The following CYP7B1 variants were observed in gnomAD, a reference collection of about 807,000 sequenced individuals.
CYP7B1 encodes cytochrome P450 family 7 subfamily B member 1.
A neutral mutation model predicts 42.7 loss-of-function variants in CYP7B1; 29 were observed. That is an observed-to-expected ratio of 0.68 (90% CI 0.51 to 0.93). The LOEUF (loss-of-function observed/expected upper bound fraction) is 0.93. CYP7B1 is among the 40% of genes least tolerant of loss of function. CYP7B1 has a pLI of 0.00. For missense variants in CYP7B1, 655 were observed against 600.5 expected (o/e 1.09, Z -0.95); for synonymous variants, 235 against 218.2 (o/e 1.08, Z -0.68).
chr8:64,769,990 T>C (rs1804193959), intron 1 of CYP7B1, among the ~76,000 whole-genome samples: 1 of 152,226 alleles, frequency 6.6e-6, no homozygotes, highest in Non-Finnish European at 1.5e-5. Flanking sequence ...ACCATCCTTC[T>C]TTATCTCATC....
chr8:64,713,000 TTC>T, intron 1 of CYP7B1, among the ~76,000 whole-genome samples: 1 of 152,170 alleles, frequency 6.6e-6, no homozygotes, highest in Non-Finnish European at 1.5e-5. Context: ...CTAAATGATC[TTC>T]TCTCTTGAAC....
At chr8:64,748,596 T>C (rs192101751) in intron 1 of CYP7B1, among the ~76,000 whole-genome samples, 2 of 152,264 alleles carry the variant, frequency 1.3e-5, no homozygotes, top group Admixed American at 1.3e-4. Context: ...TCCTCTGACT[T>C]TCACAATCAC....
chr8:64,635,589 T>C (rs1395566689), intron 1 of CYP7B1, among the ~76,000 whole-genome samples: 2 of 152,230 alleles, frequency 1.3e-5, no homozygotes, highest in African/African-American at 4.8e-5. Context: ...TTGATTTAAT[T>C]TTCCTGCAAA....
Position 64,779,365 on chromosome 8 carries a change from T to A in CYP7B1, c.122+19101A>T, listed in dbSNP as rs568399585. ...AATATAAGACACTTTCCTCTATGTA[T>A]AATAGGCTCATAGACAATTCTCAAA... On this transcript the variant is annotated intron_variant, in intron 1 of 5. Transcript: ENST00000310193. 2.0e-5 allele frequency among the ~76,000 whole-genome samples: 3 copies of A among 152,250 alleles called. No individual in the cohort carries two copies. In the South Asian group the frequency reaches 6.2e-4, roughly 32 times the overall value.
intron 1 of CYP7B1, among the ~76,000 whole-genome samples, chr8:64,724,516 A>T (rs1807293099): frequency 6.6e-6 from 1 of 152,228 alleles, no homozygotes; most frequent in African/African-American, 2.4e-5. Flanking sequence ...TCTGATTTTT[A>T]CAATGAGCCT....
chr8:64,655,951 T>C (rs1806114129), intron 1 of CYP7B1, among the ~76,000 whole-genome samples: 1 of 151,926 alleles, frequency 6.6e-6, no homozygotes, highest in Admixed American at 6.6e-5. Flanking sequence ...GAGTGGGAGC[T>C]AAAAGTGGGA....
chr8:64,798,222 A>T (rs1804736371), intron 1 of CYP7B1, among the ~76,000 whole-genome samples: 2 of 152,260 alleles, frequency 1.3e-5, no homozygotes, highest in Non-Finnish European at 2.9e-5. Flanking sequence ...CCTAGGGCTT[A>T]TTACAACTTA....
chr8:64,693,048 C>G lies in CYP7B1; in HGVS notation c.123-68509G>C, dbSNP rs186224908. On this transcript the variant is annotated intron_variant, in intron 1 of 5. Transcript: ENST00000310193. Reference sequence around the variant, plus strand: ...AGCATTAAGACATCCTGCTTCTTTGCTCTCAGGGCAATGACCTTGTGGTCT... The same window carrying G: ...AGCATTAAGACATCCTGCTTCTTTGGTCTCAGGGCAATGACCTTGTGGTCT... 1.2e-3 allele frequency among the ~76,000 whole-genome samples: 190 copies of G among 152,338 alleles called. 2 individuals are homozygous for G. In the Middle Eastern group the frequency reaches 0.02, roughly 16 times the overall value.
At chr8:64,631,357 G>GA (rs377596104) in intron 1 of CYP7B1, among the ~76,000 whole-genome samples, 1 of 151,830 alleles carries the variant, frequency 6.6e-6, no homozygotes, top group African/African-American at 2.4e-5. Context: ...TATCAATAAA[G>GA]AAAAAAATGT....
intron 3 of CYP7B1, 123 bp downstream of exon 3, chr8:64,615,568 T>C (rs911902488): frequency 2.1e-6 from 2 of 973,260 alleles, no homozygotes; most frequent in Non-Finnish European, 1.6e-6. Context: ...GAGTAAAACA[T>C]TTTATCATTA....
chr8:64,602,701 A>C (rs562125047), intron 5 of CYP7B1, among the ~76,000 whole-genome samples: 16 of 152,184 alleles, frequency 1.1e-4, no homozygotes, highest in Non-Finnish European at 1.8e-4. Context: ...CTCAGCAACA[A>C]ATGGCTCACG....
Position 64,731,622 on chromosome 8 carries a change from C to T in CYP7B1, c.122+66844G>A, listed in dbSNP as rs559290426. Among the ~76,000 whole-genome samples, 41 of 152,266 alleles carry T rather than the reference C, an allele frequency of 2.7e-4. 1 individual carries two copies. Among genetic ancestry groups the T allele is most frequent in the African/African-American group, 9.6e-4 (40 of 41,552 alleles). ...CTGCTGCAGAAATTTGCGTAAGTAC[C>T]AAGGAGCTGAATGTTAATCACAAAG... is the stretch of plus-strand genomic sequence containing the variant. On this transcript the variant is annotated intron_variant, in intron 1 of 5. Transcript: ENST00000310193.
chr8:64,681,790 T>TCAGAACCACC (rs1210983052), intron 1 of CYP7B1, among the ~76,000 whole-genome samples: 1 of 152,108 alleles, frequency 6.6e-6, no homozygotes, highest in Non-Finnish European at 1.5e-5. Flanking sequence ...GAGAAACCAG[T>TCAGAACCACC]CAGAACCACC....
intron 1 of CYP7B1, among the ~76,000 whole-genome samples, chr8:64,742,628 G>C (rs1276892924): frequency 6.6e-6 from 1 of 152,084 alleles, no homozygotes; most frequent in Non-Finnish European, 1.5e-5. Context: ...TGTCCACAGG[G>C]TTAGTCCAAG....
chr8:64,744,970 T>C (rs1321660537), intron 1 of CYP7B1, among the ~76,000 whole-genome samples: 2 of 152,224 alleles, frequency 1.3e-5, no homozygotes, highest in Non-Finnish European at 2.9e-5. Flanking sequence ...TATAACTGGC[T>C]GATCATACAA....
intron 4 of CYP7B1, among the ~76,000 whole-genome samples, chr8:64,606,602 G>A (rs1217551115): frequency 1.3e-5 from 2 of 152,168 alleles, no homozygotes; most frequent in Non-Finnish European, 2.9e-5. Flanking sequence ...GGCAGCTTGC[G>A]CCCACCACAG....
chr8:64,681,736 T>C (rs1003178836), intron 1 of CYP7B1, among the ~76,000 whole-genome samples: 2 of 152,084 alleles, frequency 1.3e-5, no homozygotes, highest in Admixed American at 6.5e-5. Flanking sequence ...AAATTGAGTT[T>C]TGAGATGGCT....
intron 1 of CYP7B1, among the ~76,000 whole-genome samples, chr8:64,639,704 T>C (rs543982486): frequency 8.5e-5 from 13 of 152,248 alleles, no homozygotes; most frequent in African/African-American, 3.1e-4. Flanking sequence ...AGTAGCAGTT[T>C]CTTATAATCT....
Position 64,604,998 on chromosome 8 carries a change from G to T in CYP7B1, c.1058-141C>A, listed in dbSNP as rs756236979. 4.7e-4 allele frequency: 485 copies of T among 1,021,690 alleles called. 4 individuals carry two copies. Among genetic ancestry groups the T allele is most frequent in the Admixed American group, 4.3e-4 (21 of 49,350 alleles). 63.3% of individuals were successfully genotyped at this position (1,021,690 alleles called of 1,614,324 possible). On this transcript the variant is annotated intron_variant, in intron 4 of 5. Transcript: ENST00000310193. ...CATCACATACATTGAGCACCAAGAG[G>T]GAGCCAAGGGTGGCTGTGCACAGGA... is the stretch of plus-strand genomic sequence containing the variant.
Sources: gnomAD v4.1 joint callset for allele counts (sites outside exome capture counted in the v4.1 genomes callset) on GRCh38, gnomAD v4.1.1 for gene constraint, MANE v1.5 for transcripts, NCBI Gene and HGNC (gene_info 2026-07-23, HGNC 2026-07-21) for gene names.